Variants in RASGRF1 observed in about 807,000 individuals in gnomAD.
RASGRF1 encodes the protein ras-specific guanine nucleotide-releasing factor 1.
RASGRF1 carries 40 observed loss-of-function variants against 138.7 expected under a neutral mutation model. The observed-to-expected ratio is 0.29, with a 90% CI of 0.22 to 0.38. The LOEUF (loss-of-function observed/expected upper bound fraction) is 0.38. RASGRF1 is among the 10% of genes least tolerant of loss of function. The pLI is 1.00. For synonymous variants in RASGRF1, 614 were observed against 663.2 expected (o/e 0.93, Z 1.14); for missense variants, 1,108 against 1,650.4 (o/e 0.67, Z 5.69).
intron 3 of RASGRF1, among the ~76,000 whole-genome samples, chr15:79,053,798 C>A (rs1197507251): frequency 1.3e-5 from 2 of 152,200 alleles, no homozygotes; most frequent in Non-Finnish European, 2.9e-5. Flanking sequence ...TCGCACAGAG[C>A]CCCAGGCTTA....
chr15:79,030,974 C>T (rs570281321), intron 8 of RASGRF1, among the ~76,000 whole-genome samples: 73 of 152,354 alleles, frequency 4.8e-4, no homozygotes, highest in Middle Eastern at 3.4e-3. Flanking sequence ...TGTGCTTATC[C>T]AACCACTGCC....
At position 78,962,039 on chromosome 15, in the gene RASGRF1, G is replaced by T; in HGVS notation, c.*105C>A. The T allele has an allele frequency of 1.4e-6, 1 of 706,026 alleles. No homozygotes were observed. The allele number at this position is 706,026 out of a possible 1,614,324, so 43.7% of individuals were successfully genotyped here. On this transcript the variant is annotated 3_prime_UTR_variant, in exon 27 of 27. Coordinates refer to ENST00000558480, the MANE Select transcript of RASGRF1 (RefSeq NM_001145648.3). ...AGAACAAGGACGATTTGTATTCTTG[G>T]AGAAGCACATACTGAAGAAGAAAAT...
chr15:78,973,230 T>C lies in RASGRF1; in HGVS notation c.3612+73A>G. On this transcript the variant is annotated intron_variant, in intron 25 of 26. Coordinates refer to ENST00000558480, the MANE Select transcript of RASGRF1 (RefSeq NM_001145648.3). This position sits in a 1 kb window ranked among gnomAD's most constrained non-coding sequence, Gnocchi z 4.9. ...GCAGGTTGGGCCTTGGGGGGCAGAG[T>C]GTGGGTGGGCCCCAGGTTGAGTCAT... is the stretch of plus-strand genomic sequence containing the variant. 8.0e-7 allele frequency: 1 copy of C among 1,257,012 alleles called. No individual in the cohort carries two copies. 77.9% of individuals were successfully genotyped at this position (1,257,012 alleles called of 1,614,324 possible).
chr15:78,978,430 G>T, intron 24 of RASGRF1: 1 of 771,478 alleles, frequency 1.3e-6, no homozygotes. Context: ...TTGCCATGTT[G>T]GCAAGGTTGG....
At position 79,032,592 on chromosome 15, in the gene RASGRF1, A is replaced by G. The variant is rs114326975; in HGVS notation, c.959-276T>C. 0.017 allele frequency among the ~76,000 whole-genome samples: 2,582 copies of G among 152,148 alleles called. 75 individuals are homozygous for G. The highest frequency in any genetic ancestry group is 0.058 in the African/African-American group (2,405 of 41,500). On this transcript the variant is annotated intron_variant, in intron 6 of 26. Coordinates refer to ENST00000558480, the MANE Select transcript of RASGRF1 (RefSeq NM_001145648.3). The surrounding 1 kb of genome is among the most constrained non-coding windows in gnomAD (Gnocchi z 4.5). ...CACTTGTGATGGGAGTGTCAGAGAG[A>G]GGAGGTAGAGTGGGCGCTGTGGGGT...
At position 79,047,015 on chromosome 15, in the gene RASGRF1, G is replaced by A. The variant is rs759515770; in HGVS notation, c.625-16C>T. On this transcript the variant is annotated splice_polypyrimidine_tract_variant and intron_variant, in intron 4 of 26. Coordinates refer to ENST00000558480, the MANE Select transcript of RASGRF1 (RefSeq NM_001145648.3). The stretch of plus-strand genomic sequence containing the variant: ...AGCTCTGCACCTGAGCAGCAAGACC[G>A]GTGGGGAGAGGCTCCTGTCAGGGAG... The A allele has an allele frequency of 9.4e-6, 15 of 1,602,944 alleles. No homozygotes were observed. The highest frequency in any genetic ancestry group is 1.7e-4 in the Middle Eastern group (1 of 5,766).
chr15:79,012,612 C>T (rs2141753264), intron 13 of RASGRF1: 2 of 1,550,624 alleles, frequency 1.3e-6, no homozygotes, highest in South Asian at 2.4e-5. Flanking sequence ...TTCACTTTAT[C>T]ACCATCATTA....
intron 17 of RASGRF1, among the ~76,000 whole-genome samples, chr15:78,999,034 G>A (rs907971186): frequency 1.3e-5 from 2 of 152,302 alleles, no homozygotes; most frequent in African/African-American, 4.8e-5. Context: ...TGCATGCCCA[G>A]CCTCTTCCAG....
chr15:79,036,767 A>G (rs1284307099), intron 5 of RASGRF1, among the ~76,000 whole-genome samples: 4 of 151,912 alleles, frequency 2.6e-5, no homozygotes, highest in African/African-American at 7.3e-5. Context: ...AGCAAGAGAG[A>G]GAAAGGGGTG....
chr15:78,992,367 AC>A (rs1434561784), intron 20 of RASGRF1, among the ~76,000 whole-genome samples: 3 of 152,234 alleles, frequency 2.0e-5, no homozygotes, highest in Non-Finnish European at 4.4e-5. Context: ...ACCCTTGGAC[AC>A]CATCATTAAG....
intron 26 of RASGRF1, among the ~76,000 whole-genome samples, chr15:78,968,510 T>A (rs181083367): frequency 3.5e-4 from 54 of 152,236 alleles, no homozygotes; most frequent in African/African-American, 1.3e-3. Context: ...TTCAAACTCC[T>A]AGGCTCAAGT....
intron 18 of RASGRF1, 166 bp from the exon 19 acceptor site, chr15:78,998,374 C>T: frequency 1.5e-6 from 1 of 668,048 alleles, no homozygotes; most frequent in South Asian, 1.7e-5. Flanking sequence ...GAGAGGCTCT[C>T]CAGGCCTAGA....
chr15:79,089,678 T>C (rs918004831), intron 1 of RASGRF1, among the ~76,000 whole-genome samples: 2 of 152,204 alleles, frequency 1.3e-5, no homozygotes, highest in East Asian at 3.8e-4. Context: ...TGTAGCCCCA[T>C]AACCCCAGCC....
At chr15:79,026,715 C>T (rs2057060960) in intron 9 of RASGRF1, among the ~76,000 whole-genome samples, 1 of 152,186 alleles carries the variant, frequency 6.6e-6, no homozygotes, top group Non-Finnish European at 1.5e-5. Flanking sequence ...GGGATACTGC[C>T]CACCCCAGGA....
intron 22 of RASGRF1, chr15:78,985,709 A>G (rs1284319307): frequency 1.3e-5 from 2 of 154,806 alleles, no homozygotes; most frequent in Admixed American, 6.3e-5. Flanking sequence ...TGAAGTCAGG[A>G]GTTCAAGACC....
intron 7 of RASGRF1, among the ~76,000 whole-genome samples, 171 bp downstream of exon 7, chr15:79,031,952 A>G (rs1285811629): frequency 1.3e-5 from 2 of 152,092 alleles, no homozygotes; most frequent in Non-Finnish European, 2.9e-5. Context: ...ACAGGCCCAC[A>G]GTCAGCTTGC....
intron 2 of RASGRF1, among the ~76,000 whole-genome samples, chr15:79,061,776 C>T (rs951141740): frequency 1.3e-5 from 2 of 152,224 alleles, no homozygotes; most frequent in African/African-American, 4.8e-5. Flanking sequence ...TGCTGAGCAG[C>T]ATACCAAGGT....
In RASGRF1 at chr15:79,025,452, C is replaced by T. The variant is rs771079741; in HGVS notation, c.1404G>A (p.Met468Ile). The change falls in exon 10 of 27, where the codon ATG (methionine) becomes ATA (isoleucine). Residue 468 changes from methionine (M) to isoleucine (I), a missense_variant. Physicochemically the swap from Met to Ile is conservative, Grantham distance 10 (BLOSUM62 1). Transcript: ENST00000558480. ...VRQGSLIQVP[M>I]SEKGKITRGR... The stretch of plus-strand genomic sequence containing the variant: ...CCCTGGTGATCTTGCCCTTTTCAGA[C>T]ATGGGCACCTGAATGAGGGAACCTG... 2.0e-5 allele frequency: 33 copies of T among 1,613,070 alleles called. No individual in the cohort carries two copies. Among genetic ancestry groups the T allele is most frequent in the Non-Finnish European group, 2.6e-5 (31 of 1,179,452 alleles).
Position 78,994,480 on chromosome 15 carries a change from G to A in RASGRF1, c.3027+1260C>T, listed in dbSNP as rs80329320. ...GGTCACTCAACCAGCAAGGGGCTGAGCCAGCATGGCACAATCTCTGCCTCT... is the reference window on the plus strand; with the variant it reads ...GGTCACTCAACCAGCAAGGGGCTGAACCAGCATGGCACAATCTCTGCCTCT... On this transcript the variant is annotated intron_variant, in intron 20 of 26. Coordinates refer to ENST00000558480, the MANE Select transcript of RASGRF1 (RefSeq NM_001145648.3). Among the ~76,000 whole-genome samples the A allele has an allele frequency of 6.4e-3, 981 of 152,334 alleles. 8 individuals are homozygous for A. Among genetic ancestry groups the A allele is most frequent in the African/African-American group, 0.023 (949 of 41,570 alleles).
Sources: allele counts gnomAD v4.1 joint callset (sites outside exome capture counted in the v4.1 genomes callset), GRCh38; gene constraint gnomAD v4.1.1; non-coding constraint Gnocchi (gnomAD v3.1); transcripts MANE v1.5; gene names NCBI Gene and HGNC (gene_info 2026-07-23, HGNC 2026-07-21).